The following MXD4 variants were observed in gnomAD, a reference collection of about 807,000 sequenced individuals.
MXD4 encodes Mad4 homolog.
Under a neutral mutation model 24.5 loss-of-function variants are expected in MXD4, and 16 were observed. The observed-to-expected ratio is 0.65, with a 90% CI of 0.44 to 0.99. MXD4 has a LOEUF of 0.99. Ranked by LOEUF, MXD4 falls within the 50% of genes least tolerant of loss-of-function variation. The probability of loss-of-function intolerance (pLI) is 0.00; values close to 1 mark genes in which losing one functional copy is unlikely to be tolerated. For missense variants in MXD4, 301 were observed against 301.5 expected, an observed-to-expected ratio of 1.00 and a Z score of 0.01; for synonymous variants, 164 against 134.2, an observed-to-expected ratio of 1.22 and a Z score of -1.54.
At position 2,251,161 on chromosome 4, in the gene MXD4, T is replaced by G; in HGVS notation, c.395A>C (p.Gln132Pro). ...EHRFLKRRLE[Q>P]LSVQSVERVR... Reference sequence around the variant, plus strand: ...GCGCTCCACGCTCTGCACCGACAGCTGCTCCAGGCGCCGCTTCAGGAAACG... The same window carrying G: ...GCGCTCCACGCTCTGCACCGACAGCGGCTCCAGGCGCCGCTTCAGGAAACG... Residue 132 changes from glutamine to proline, a missense_variant, in exon 5 of 6, where the codon CAG becomes CCG. Gln to Pro is a moderately conservative substitution (Grantham distance 76). Coordinates refer to ENST00000337190, the MANE Select transcript of MXD4 (RefSeq NM_006454.3). 1 of 1,601,336 alleles carries G rather than the reference T, an allele frequency of 6.2e-7. No homozygotes were observed.
At chr4:2,259,672 C>G (rs962505500) in intron 2 of MXD4, among the ~76,000 whole-genome samples, 5 of 152,296 alleles carry the variant, frequency 3.3e-5, no homozygotes, top group East Asian at 1.9e-4. Context: ...CAGGGCCCCT[C>G]TTGCAGCTCC....
At chr4:2,257,018 G>A (rs1414970446) in intron 3 of MXD4, among the ~76,000 whole-genome samples, 1 of 152,142 alleles carries the variant, frequency 6.6e-6, no homozygotes, top group Non-Finnish European at 1.5e-5. Flanking sequence ...GGCCTCTAGG[G>A]AACCCCCCGA....
intron 3 of MXD4, among the ~76,000 whole-genome samples, chr4:2,257,779 C>T (rs759426539): frequency 9.9e-5 from 15 of 152,228 alleles, no homozygotes; most frequent in Non-Finnish European, 2.1e-4. Flanking sequence ...CCTGGGCCTC[C>T]TGCCATCTCC....
Position 2,250,281 on chromosome 4 carries a change from G to A in MXD4, c.*263C>T, listed in dbSNP as rs1488017413. ...ATGATTAGGAATCTGAGAACAGACC[G>A]TGGGCGGCTATGCTGACCAGGGCTC... On this transcript the variant is annotated 3_prime_UTR_variant, in exon 6 of 6. Coordinates refer to ENST00000337190, the MANE Select transcript of MXD4 (RefSeq NM_006454.3). 9.1e-6 allele frequency: 5 copies of A among 551,828 alleles called. No homozygotes were observed. Among genetic ancestry groups the A allele is most frequent in the African/African-American group, 5.7e-5 (3 of 52,788 alleles). The allele number at this position is 551,828 out of a possible 1,614,324, so 34.2% of individuals were successfully genotyped here. A position where few individuals can be genotyped will look rare whatever the true frequency, so the allele number is the denominator to read the frequency against.
chr4:2,249,532 C>G lies in MXD4; in HGVS notation c.*1012G>C, dbSNP rs1735268849. Reference sequence around the variant, plus strand: ...CATGAGAAGCCCTTTCCTAAGGTGGCTCCAGGAGCCCTAACCGGGCTGCTG... The same window carrying G: ...CATGAGAAGCCCTTTCCTAAGGTGGGTCCAGGAGCCCTAACCGGGCTGCTG... On this transcript the variant is annotated 3_prime_UTR_variant, in exon 6 of 6. Coordinates refer to ENST00000337190, the MANE Select transcript of MXD4 (RefSeq NM_006454.3). 1 of 151,932 alleles carries G rather than the reference C, an allele frequency of 6.6e-6. No individual in the cohort carries two copies. The highest frequency in any genetic ancestry group is 6.5e-5 in the Admixed American group (1 of 15,278). 9.4% of individuals were successfully genotyped at this position (151,932 alleles called of 1,614,324 possible). A position where few individuals can be genotyped will look rare whatever the true frequency, so the allele number is the denominator to read the frequency against.
intron 2 of MXD4, chr4:2,260,480 G>T: frequency 2.2e-6 from 1 of 447,190 alleles, no homozygotes; most frequent in South Asian, 1.6e-5. Context: ...CATGCTGGGG[G>T]AGCCCCAGCT....
intron 3 of MXD4, chr4:2,255,017 C>G: frequency 2.9e-6 from 1 of 342,686 alleles, no homozygotes; most frequent in Non-Finnish European, 5.7e-6. Context: ...CAAGGCACAT[C>G]GCAGGACTGT....
At chr4:2,261,310 G>A (rs1168897181) in intron 2 of MXD4, among the ~76,000 whole-genome samples, 1 of 152,180 alleles carries the variant, frequency 6.6e-6, no homozygotes, top group Non-Finnish European at 1.5e-5. Context: ...CCCGCGGAGA[G>A]AAGGGGTTAG....
At chr4:2,256,839 T>C (rs543145097) in intron 3 of MXD4, among the ~76,000 whole-genome samples, 354 of 144,900 alleles carry the variant, frequency 2.4e-3, no homozygotes, top group African/African-American at 8.4e-3. Flanking sequence ...TCTGTCCCCA[T>C]TGGGGGGCTG....
intron 3 of MXD4, 116 bp from the exon 4 acceptor site, chr4:2,252,638 CCTCT>C (rs1405072276): frequency 5.8e-6 from 4 of 694,340 alleles, no homozygotes; most frequent in African/African-American, 5.4e-5. Flanking sequence ...GCTGAGGGTC[CCTCT>C]CTAAGGATCC....
intron 3 of MXD4, among the ~76,000 whole-genome samples, chr4:2,257,640 G>A (rs1560114664): frequency 6.6e-6 from 1 of 152,246 alleles, no homozygotes; most frequent in South Asian, 2.1e-4. Context: ...AGGATGCACA[G>A]GGCAGAGAGC....
At chr4:2,251,368 A>AAGGCTAC in intron 4 of MXD4, 122 bp from the exon 5 acceptor site, 1 of 1,239,642 alleles carries the variant, frequency 8.1e-7, no homozygotes, top group South Asian at 1.7e-5. Context: ...AGACCTAGCC[A>AAGGCTAC]AGGCTACAGG....
chr4:2,260,140 G>T (rs1223838959), intron 2 of MXD4, among the ~76,000 whole-genome samples: 3 of 152,238 alleles, frequency 2.0e-5, no homozygotes, highest in African/African-American at 7.2e-5. Flanking sequence ...GGCCCCGGGG[G>T]AGCGGGGCTC....
chr4:2,251,364 AG>A, intron 4 of MXD4, 118 bp from the exon 5 acceptor site: 15 of 1,274,886 alleles, frequency 1.2e-5, no homozygotes, highest in Non-Finnish European at 1.6e-5. Flanking sequence ...GCCAAGACCT[AG>A]CCAAGGCTAC....
intron 2 of MXD4, 129 bp from the exon 3 acceptor site, chr4:2,258,140 A>C: frequency 8.8e-7 from 1 of 1,130,942 alleles, no homozygotes; most frequent in Non-Finnish European, 1.3e-6. Context: ...GGAATGGCCC[A>C]GAGCAGTGAG....
intron 2 of MXD4, chr4:2,258,979 C>T (rs1337026990): frequency 2.2e-6 from 1 of 455,414 alleles, no homozygotes; most frequent in Non-Finnish European, 4.4e-6. Context: ...GGGGACCTCG[C>T]TCCCAGCTCC....
At chr4:2,255,598 G>A (rs143983321) in intron 3 of MXD4, among the ~76,000 whole-genome samples, 211 of 152,198 alleles carry the variant, frequency 1.4e-3, no homozygotes, top group African/African-American at 4.7e-3. Flanking sequence ...CTCCTGCTGA[G>A]CCCTCCCCTC....
chr4:2,261,712 C>T lies in MXD4; in HGVS notation c.164+13G>A. 2.2e-6 allele frequency: 3 copies of T among 1,335,808 alleles called. No homozygotes were observed. Among genetic ancestry groups the T allele is most frequent in the Non-Finnish European group, 2.9e-6 (3 of 1,032,052 alleles). 82.7% of individuals were successfully genotyped at this position (1,335,808 alleles called of 1,614,324 possible). ...GGACCGGGCCGGGCGGGGTCGGGAG[C>T]GGGGGGCGGTACCTGTTGTTCGGGG... is the stretch of plus-strand genomic sequence containing the variant. On this transcript the variant is annotated intron_variant, in intron 2 of 5. Coordinates refer to ENST00000337190, the MANE Select transcript of MXD4 (RefSeq NM_006454.3).
At chr4:2,257,800 A>G (rs1430230081) in intron 3 of MXD4, among the ~76,000 whole-genome samples, 182 bp downstream of exon 3, 1 of 152,242 alleles carries the variant, frequency 6.6e-6, no homozygotes, top group Non-Finnish European at 1.5e-5. Context: ...TGCCTCTAGC[A>G]CAGAGTGCCT....
Sources: gnomAD v4.1 joint callset for allele counts (sites outside exome capture counted in the v4.1 genomes callset) on GRCh38, gnomAD v4.1.1 for gene constraint, MANE v1.5 for transcripts, NCBI Gene and HGNC (gene_info 2026-07-23, HGNC 2026-07-21) for gene names.